Variants in KIF14 observed in about 807,000 individuals in gnomAD.
KIF14 encodes the protein kinesin-like protein KIF14.
A neutral mutation model predicts 176.2 loss-of-function variants in KIF14; 98 were observed. The observed-to-expected ratio is 0.56, with a 90% CI of 0.47 to 0.66. The LOEUF is 0.66. Among genes scored for constraint, KIF14 ranks in the 30% least tolerant of loss-of-function variants. The pLI is 0.00. For synonymous variants in KIF14, 566 were observed against 632.2 expected (o/e 0.90, Z 1.57); for missense variants, 1,751 against 1,920.4 (o/e 0.91, Z 1.65).
rs1659668520 is a variant in KIF14, at chr1:200,602,355, CTA to C, written c.1980-289_1980-288del. On this transcript the variant is annotated intron_variant, in intron 10 of 29. Transcript: ENST00000367350. ...ACTGTGAGCTACCATAGGGAAGGGA[CTA>C]TGTGTCTTGGTCATCTTTGTATTTC... is the stretch of plus-strand genomic sequence containing the variant. Among the ~76,000 whole-genome samples the C allele has an allele frequency of 2.0e-5, 3 of 152,154 alleles. No homozygotes were observed. In the South Asian group the frequency reaches 6.2e-4, roughly 32 times the overall value.
Position 200,584,372 on chromosome 1 carries a change from C to T in KIF14, c.3241+1729G>A, listed in dbSNP as rs1220569513. Among the ~76,000 whole-genome samples the T allele has an allele frequency of 2.0e-5, 3 of 152,164 alleles. No individual in the cohort carries two copies. The East Asian group carries it at 5.8e-4, about 29-fold the overall frequency. ...TTCCTTTTGCAAGGCCAGCATTACC[C>T]TGATACTAAAGCCAGACAAAGACAC... On this transcript the variant is annotated intron_variant, in intron 19 of 29. Coordinates refer to ENST00000367350, the MANE Select transcript of KIF14 (RefSeq NM_014875.3).
Position 200,592,154 on chromosome 1 carries a change from T to C in KIF14, c.2739A>G (p.Arg913=). ...EVQKGKRPSG[R]DTPISEGPKD... ...TTGGACCCTCACTTATAGGAGTATC[T>C]CTTCCAGATGGCCTTTTTCCTTTCT... Residue 913 remains arginine, a synonymous_variant, in exon 16 of 30, where the codon AGA becomes AGG. Coordinates refer to ENST00000367350, the MANE Select transcript of KIF14 (RefSeq NM_014875.3). The C allele has an allele frequency of 6.2e-7, 1 of 1,613,786 alleles. No homozygotes were observed. Among genetic ancestry groups the C allele is most frequent in the East Asian group, 2.2e-5 (1 of 44,848 alleles).
chr1:200,569,377 T>C (rs934771018), intron 23 of KIF14, among the ~76,000 whole-genome samples: 3 of 152,098 alleles, frequency 2.0e-5, no homozygotes, highest in Non-Finnish European at 2.9e-5. Context: ...TTTAAAAAAA[T>C]TGAAATAATT....
At chr1:200,615,204 C>A in intron 3 of KIF14, 151 bp downstream of exon 3, 1 of 771,282 alleles carries the variant, frequency 1.3e-6, no homozygotes. Flanking sequence ...AGTAAATTGC[C>A]CAAGTTTGCA....
rs2102540661 is a variant in KIF14 at position 200,552,162 on chromosome 1, TTTTC to T, written c.*1222_*1225del. On this transcript the variant is annotated 3_prime_UTR_variant, in exon 30 of 30. Coordinates refer to ENST00000367350, the MANE Select transcript of KIF14 (RefSeq NM_014875.3). ...GTTATTTAAATGAATTCTTCTTTTT[TTTTC>T]TTCTTTTTTTTTAAATGAATTATTC... 7.4e-6 allele frequency: 1 copy of T among 135,172 alleles called. No homozygotes were observed. The highest frequency in any genetic ancestry group is 2.5e-5 in the African/African-American group (1 of 40,778). 8.4% of individuals were successfully genotyped at this position (135,172 alleles called of 1,614,324 possible).
At chr1:200,564,804 G>A (rs973029622) in intron 25 of KIF14, among the ~76,000 whole-genome samples, 6 of 152,206 alleles carry the variant, frequency 3.9e-5, no homozygotes, top group African/African-American at 1.4e-4. Flanking sequence ...ACAAGATGGT[G>A]ATAACAACAG....
chr1:200,596,846 G>A (rs1159779642), intron 14 of KIF14, among the ~76,000 whole-genome samples: 1 of 148,860 alleles, frequency 6.7e-6, no homozygotes, highest in African/African-American at 2.5e-5. Flanking sequence ...TTATAGGCGT[G>A]AGCCACCGCA....
rs1042527173 is a variant in KIF14 at position 200,605,892 on chromosome 1, T to C, written c.1610A>G (p.Asn537Ser). 8 of 1,527,304 alleles carry C rather than the reference T, an allele frequency of 5.2e-6. No individual in the cohort carries two copies. In the African/African-American group the frequency reaches 7.1e-5, roughly 14 times the overall value. 94.6% of individuals were successfully genotyped at this position (1,527,304 alleles called of 1,614,324 possible). A position where few individuals can be genotyped will look rare whatever the true frequency, so the allele number is the denominator to read the frequency against. Residue 537 changes from asparagine to serine, a missense_variant and splice_region_variant, in exon 7 of 30, where the codon AAC becomes AGC. Coordinates refer to ENST00000367350, the MANE Select transcript of KIF14 (RefSeq NM_014875.3). Reference sequence around the variant, plus strand: ...GATATCAGCGTAAGAACTGACAATGTTCCTATTTTTAAGAAGTGAAAAGAC... The same window carrying C: ...GATATCAGCGTAAGAACTGACAATGCTCCTATTTTTAAGAAGTGAAAAGAC... Reference protein sequence around the residue: ...YGPYVEALSMNIVSSYADIQS... With the variant: ...YGPYVEALSMSIVSSYADIQS...
chr1:200,605,188 C>T, intron 8 of KIF14, 95 bp downstream of exon 8: 1 of 1,219,228 alleles, frequency 8.2e-7, no homozygotes, highest in South Asian at 1.3e-5. Flanking sequence ...AGGGTGAAAA[C>T]TGAATGAGAT....
Position 200,603,331 on chromosome 1 carries a change from C to T in KIF14, c.1874G>A (p.Ser625Asn), listed in dbSNP as rs755490699. The T allele has an allele frequency of 6.3e-7, 1 of 1,578,076 alleles. No homozygotes were observed. Among genetic ancestry groups the T allele is most frequent in the South Asian group, 1.1e-5 (1 of 88,000 alleles). ...TNGDRLKEGV[S>N]INKSLLTLGK... ...CAAAGTTAGCAAGGACTTATTAATA[C>T]TCACACCTTCCTGCATGCAAGAAAA... Residue 625 changes from serine to asparagine, a missense_variant, in exon 10 of 30, where the codon AGT becomes AAT. Coordinates refer to ENST00000367350, the MANE Select transcript of KIF14 (RefSeq NM_014875.3).
intron 22 of KIF14, 138 bp downstream of exon 22, chr1:200,575,453 T>G (rs1310396001): frequency 2.3e-6 from 1 of 426,962 alleles, no homozygotes; most frequent in Non-Finnish European, 4.1e-6. Context: ...AGTTCTGGGT[T>G]TCCTGTCCAG....
intron 25 of KIF14, among the ~76,000 whole-genome samples, chr1:200,564,659 G>A (rs1160520441): frequency 6.6e-6 from 1 of 152,066 alleles, no homozygotes; most frequent in Non-Finnish European, 1.5e-5. Context: ...ATCCCTTATT[G>A]AGGGCCAGCA....
chr1:200,563,853 T>A (rs1020162749), intron 25 of KIF14, among the ~76,000 whole-genome samples: 9 of 152,150 alleles, frequency 5.9e-5, no homozygotes, highest in African/African-American at 2.2e-4. Context: ...AGAATTTTTT[T>A]AAAAAATACA....
chr1:200,617,632 G>T lies in KIF14; in HGVS notation c.1092C>A (p.Arg364=), dbSNP rs549394272. 4 of 1,610,996 alleles carry T rather than the reference G, an allele frequency of 2.5e-6. No individual in the cohort carries two copies. In the African/African-American group the frequency reaches 5.4e-5, roughly 22 times the overall value. ...VENSQVTVAV[R]VRPFTKREKI... Reference sequence around the variant, plus strand: ...CATACCTCTTGGTGAAAGGTCTTACGCGTACTGCCACTGTCACTTGACTAT... The same window carrying T: ...CATACCTCTTGGTGAAAGGTCTTACTCGTACTGCCACTGTCACTTGACTAT... The change falls in exon 2 of 30, where the codon CGC becomes CGA. Residue 364 remains arginine, a synonymous_variant. Transcript: ENST00000367350.
intron 23 of KIF14, among the ~76,000 whole-genome samples, chr1:200,566,951 G>C (rs1394205524): frequency 1.3e-5 from 2 of 151,810 alleles, no homozygotes; most frequent in African/African-American, 4.8e-5. Context: ...AAGGTGGGTG[G>C]ATCACCTGAG....
chr1:200,615,015 G>T (rs1196514185), intron 3 of KIF14, among the ~76,000 whole-genome samples: 1 of 151,974 alleles, frequency 6.6e-6, no homozygotes, highest in Non-Finnish European at 1.5e-5. Flanking sequence ...GAGACTACAG[G>T]TGTGTGCCAT....
chr1:200,589,359 G>A lies in KIF14; in HGVS notation c.2972C>T (p.Ser991Phe). 6.2e-7 allele frequency: 1 copy of A among 1,603,942 alleles called. No homozygotes were observed. Among genetic ancestry groups the A allele is most frequent in the Non-Finnish European group, 8.5e-7 (1 of 1,174,914 alleles). The change falls in exon 18 of 30, where the codon TCT becomes TTT. Residue 991 changes from serine to phenylalanine, a missense_variant. Transcript: ENST00000367350. ...KALEAELREESQRKKMQEINN... is the reference protein window; with the variant it reads ...KALEAELREEFQRKKMQEINN... ...TATTTCCTGCATTTTTTTCCTTTGA[G>A]ACTCTTCTCTCTTTAAAGAACAATA...
intron 4 of KIF14, 23 bp from the exon 5 acceptor site, chr1:200,608,951 A>G: frequency 1.5e-6 from 2 of 1,369,372 alleles, no homozygotes; most frequent in South Asian, 1.2e-5. Flanking sequence ...GAAACACAGC[A>G]TATAATTTAT....
chr1:200,575,862 C>A (rs1344776819), intron 21 of KIF14, among the ~76,000 whole-genome samples, 171 bp from the exon 22 acceptor site: 2 of 151,786 alleles, frequency 1.3e-5, no homozygotes, highest in East Asian at 3.9e-4. Flanking sequence ...GTCAATCACA[C>A]GATGACAGGG....
Sources: allele counts gnomAD v4.1 joint callset (sites outside exome capture counted in the v4.1 genomes callset), GRCh38; gene constraint gnomAD v4.1.1; transcripts MANE v1.5; gene names NCBI Gene and HGNC (gene_info 2026-07-23, HGNC 2026-07-21).